The following DNAH9 variants were observed in gnomAD, a reference collection of about 807,000 sequenced individuals.
DNAH9 encodes dynein axonemal heavy chain 9.
DNAH9 carries 345 observed loss-of-function variants against 471.6 expected under a neutral mutation model. That is an observed-to-expected ratio of 0.73 (90% CI 0.67 to 0.80). The LOEUF is 0.80. Among genes scored for constraint, DNAH9 ranks in the 30% least tolerant of loss-of-function variants. DNAH9 has a pLI of 0.00. For missense variants in DNAH9, 5,407 were observed against 5,609.2 expected (o/e 0.96, Z 1.15); for synonymous variants, 2,093 against 2,123.6 (o/e 0.99, Z 0.40).
At chr17:11,788,586 G>T (rs544129606) in intron 41 of DNAH9, among the ~76,000 whole-genome samples, 23 of 152,108 alleles carry the variant, frequency 1.5e-4, no homozygotes, top group African/African-American at 5.1e-4. Flanking sequence ...ACCTATTTTT[G>T]AACTTTATAT....
chr17:11,702,249 T>C (rs1416441512), intron 24 of DNAH9, among the ~76,000 whole-genome samples: 2 of 152,198 alleles, frequency 1.3e-5, no homozygotes, highest in African/African-American at 4.8e-5. Flanking sequence ...CTGTAGACCT[T>C]GTGAGAGAGT....
In DNAH9 at chr17:11,917,695, A is replaced by T. The variant is rs1006581077; in HGVS notation, c.11750-6119A>T. Among the ~76,000 whole-genome samples, 5 of 152,208 alleles carry T rather than the reference A, an allele frequency of 3.3e-5. No homozygotes were observed. The South Asian group carries it at 1.0e-3, about 32-fold the overall frequency. Reference sequence around the variant, plus strand: ...CCTCCTTGGGTTACTGTGAAGATAAAAACAAAATGTCAGATGTGAAAAGGC... The same window carrying T: ...CCTCCTTGGGTTACTGTGAAGATAATAACAAAATGTCAGATGTGAAAAGGC... On this transcript the variant is annotated intron_variant, in intron 61 of 68. Transcript: ENST00000262442.
intron 49 of DNAH9, among the ~76,000 whole-genome samples, chr17:11,836,359 A>G (rs1031525888): frequency 6.6e-6 from 1 of 152,194 alleles, no homozygotes; most frequent in Non-Finnish European, 1.5e-5. Context: ...ATTATATTTA[A>G]TGTGAGATGT....
At chr17:11,953,076 C>T (rs1394363667) in intron 67 of DNAH9, among the ~76,000 whole-genome samples, 1 of 152,150 alleles carries the variant, frequency 6.6e-6, no homozygotes, top group Admixed American at 6.6e-5. Context: ...AGGGCTTCAT[C>T]CTTATGACGT....
intron 26 of DNAH9, among the ~76,000 whole-genome samples, chr17:11,714,778 G>C (rs1343840560): frequency 4.6e-5 from 7 of 152,180 alleles, no homozygotes; most frequent in African/African-American, 1.7e-4. Context: ...TGGTTTTGAA[G>C]GTGGTAGGGG....
chr17:11,918,202 GTTTTTTTGTT>G (rs1974016877), intron 61 of DNAH9, among the ~76,000 whole-genome samples: 1 of 135,186 alleles, frequency 7.4e-6, no homozygotes, highest in South Asian at 2.5e-4. Flanking sequence ...TTGGTTGGGT[GTTTTTTTGTT>G]TTGTTTTGTT....
intron 22 of DNAH9, among the ~76,000 whole-genome samples, chr17:11,699,223 T>G (rs528483817): frequency 8.9e-4 from 135 of 152,254 alleles, no homozygotes; most frequent in Admixed American, 1.3e-3. Context: ...CACTCCAGCC[T>G]GGGCGACAGA....
chr17:11,852,305 G>A (rs1971451428), intron 49 of DNAH9, among the ~76,000 whole-genome samples: 1 of 152,186 alleles, frequency 6.6e-6, no homozygotes, highest in African/African-American at 2.4e-5. Context: ...CAGCTACATT[G>A]GGGCTCCACT....
chr17:11,843,088 A>C lies in DNAH9; in HGVS notation c.9507+8190A>C, dbSNP rs78032366. Among the ~76,000 whole-genome samples, 196 of 152,316 alleles carry C rather than the reference A, an allele frequency of 1.3e-3. 5 individuals are homozygous for C. In the East Asian group the frequency reaches 0.027, roughly 21 times the overall value. ...ATCCAGGAGCAAAACATTCCATCTA[A>C]TGACAGAATCCAAGAGGCACTGTCA... On this transcript the variant is annotated intron_variant, in intron 49 of 68. Coordinates refer to ENST00000262442, the MANE Select transcript of DNAH9 (RefSeq NM_001372.4).
At chr17:11,926,595 T>C (rs1426299254) in intron 62 of DNAH9, among the ~76,000 whole-genome samples, 1 of 152,224 alleles carries the variant, frequency 6.6e-6, no homozygotes, top group Non-Finnish European at 1.5e-5. Context: ...TCTCGTTCCT[T>C]TTTATGGCTG....
chr17:11,784,563 CCCTAGGGG>C (rs1213199044), intron 41 of DNAH9, 24 bp downstream of exon 41: 1 of 1,613,734 alleles, frequency 6.2e-7, no homozygotes, highest in South Asian at 1.1e-5. Flanking sequence ...CTCCGAGACA[CCCTAGGGG>C]CTTAGTGATT....
In DNAH9 at chr17:11,769,298, C is replaced by G. The variant is rs568857909; in HGVS notation, c.7521C>G (p.Phe2507Leu). 7.1e-5 allele frequency: 114 copies of G among 1,613,744 alleles called. 2 individuals are homozygous for G. In the South Asian group the frequency reaches 1.0e-3, roughly 14 times the overall value. ...CATACCTGGTGAAAAACGTGCCATT[C>G]AACTACTACACCACGTCAGCAATGC... ...PEAYLVKNVPFNYYTTSAMLQ... is the reference protein window; with the variant it reads ...PEAYLVKNVPLNYYTTSAMLQ... Residue 2507 changes from phenylalanine (F) to leucine (L), a missense_variant, in exon 38 of 69, where the codon TTC becomes TTG. Coordinates refer to ENST00000262442, the MANE Select transcript of DNAH9 (RefSeq NM_001372.4).
chr17:11,702,689 C>A (rs572288653), intron 24 of DNAH9, among the ~76,000 whole-genome samples: 2 of 152,184 alleles, frequency 1.3e-5, no homozygotes, highest in East Asian at 3.9e-4. Context: ...AGAGATGAAG[C>A]AAAATAAAGA....
At chr17:11,706,325 T>TA (rs1378749766) in intron 26 of DNAH9, among the ~76,000 whole-genome samples, 2 of 152,106 alleles carry the variant, frequency 1.3e-5, no homozygotes, top group Non-Finnish European at 2.9e-5. Flanking sequence ...TTCCATCACT[T>TA]ATATTAATTC....
At chr17:11,668,559 G>GT (rs1318235540) in intron 15 of DNAH9, among the ~76,000 whole-genome samples, 1 of 150,544 alleles carries the variant, frequency 6.6e-6, no homozygotes, top group East Asian at 2.0e-4. Context: ...CAGCTACTTG[G>GT]AAGGCTGTGG....
chr17:11,875,128 A>G lies in DNAH9; in HGVS notation c.10422A>G (p.Lys3474=), dbSNP rs372078743. ...TTGACCCTCAGCTACAAGGCATCAAATGGATCAAGAATAAATATGGTGAAG... is the reference window on the plus strand; with the variant it reads ...TTGACCCTCAGCTACAAGGCATCAAGTGGATCAAGAATAAATATGGTGAAG... ...LMVDPQLQGI[K]WIKNKYGEDL... is the part of the protein sequence containing the mutation. The change falls in exon 53 of 69, where the codon AAA becomes AAG. Residue 3474 remains lysine, a synonymous_variant. Transcript: ENST00000262442. The G allele has an allele frequency of 6.9e-4, 1,116 of 1,614,194 alleles. 14 individuals are homozygous for G. The Middle Eastern group carries it at 0.011, about 16-fold the overall frequency.
intron 4 of DNAH9, among the ~76,000 whole-genome samples, chr17:11,614,311 A>C (rs2150646426): frequency 6.6e-6 from 1 of 152,310 alleles, no homozygotes; most frequent in African/African-American, 2.4e-5. Context: ...AAGGAGAGGA[A>C]AAGAAATATT....
intron 49 of DNAH9, among the ~76,000 whole-genome samples, chr17:11,836,699 C>A (rs1970860765): frequency 6.6e-6 from 1 of 152,158 alleles, no homozygotes; most frequent in Non-Finnish European, 1.5e-5. Flanking sequence ...CTAAATCTTA[C>A]CCAAATTGCG....
At chr17:11,921,235 AAAAG>A (rs975556181) in intron 61 of DNAH9, among the ~76,000 whole-genome samples, 16 of 145,246 alleles carry the variant, frequency 1.1e-4, no homozygotes, top group Non-Finnish European at 2.3e-4. Flanking sequence ...AAAAAAGAAA[AAAAG>A]GTGATTTTTT....
Sources: allele counts gnomAD v4.1 joint callset (sites outside exome capture counted in the v4.1 genomes callset), GRCh38; gene constraint gnomAD v4.1.1; transcripts MANE v1.5; gene names NCBI Gene and HGNC (gene_info 2026-07-23, HGNC 2026-07-21).